Variants in KSR2 observed in about 807,000 individuals in gnomAD.
KSR2 encodes kinase suppressor of ras 2.
A neutral mutation model predicts 107.8 loss-of-function variants in KSR2; 25 were observed. That is an observed-to-expected ratio of 0.23 (90% CI 0.17 to 0.32). The LOEUF (loss-of-function observed/expected upper bound fraction) is 0.32, where lower values mean the gene tolerates loss of function less well. Ranked by LOEUF, KSR2 falls within the 10% of genes least tolerant of loss-of-function variation. KSR2 has a pLI of 1.00. For synonymous variants in KSR2, 480 were observed against 507.0 expected (o/e 0.95, Z 0.71); for missense variants, 887 against 1,268.9 (o/e 0.70, Z 4.57).
chr12:117,563,685 G>A (rs1026332347), intron 7 of KSR2, among the ~76,000 whole-genome samples: 2 of 152,126 alleles, frequency 1.3e-5, no homozygotes, highest in Non-Finnish European at 2.9e-5. Flanking sequence ...TCCTCTGCTG[G>A]AGGACTTTCT....
At chr12:117,468,765 T>C (rs1871276853) in intron 19 of KSR2, among the ~76,000 whole-genome samples, 1 of 152,240 alleles carries the variant, frequency 6.6e-6, no homozygotes, top group South Asian at 2.1e-4. Flanking sequence ...TGTGTCTGAG[T>C]CTGGCTATGT....
chr12:117,734,753 C>CATGGATGG (rs11269090), intron 4 of KSR2, among the ~76,000 whole-genome samples: 4 of 148,050 alleles, frequency 2.7e-5, no homozygotes, highest in African/African-American at 1.0e-4. Context: ...TGCATGCATG[C>CATGGATGG]ATGGATGGAT....
At chr12:117,958,352 G>A (rs1036659007) in intron 1 of KSR2, among the ~76,000 whole-genome samples, 1 of 152,170 alleles carries the variant, frequency 6.6e-6, no homozygotes, top group Admixed American at 6.5e-5. Flanking sequence ...CACTGCTGGT[G>A]AAGGGCAACT....
At chr12:117,583,593 A>C (rs1879824320) in intron 5 of KSR2, among the ~76,000 whole-genome samples, 1 of 152,168 alleles carries the variant, frequency 6.6e-6, no homozygotes. Context: ...CTCTTCTTTC[A>C]TCCCTTAGGC....
chr12:117,760,985 C>G (rs770538750), intron 4 of KSR2, 26 bp downstream of exon 4: 5 of 1,612,114 alleles, frequency 3.1e-6, no homozygotes, highest in Non-Finnish European at 3.4e-6. Context: ...TTCGACCGCC[C>G]CAGGGCACCC....
At chr12:117,899,960 C>T (rs1362457612) in intron 1 of KSR2, among the ~76,000 whole-genome samples, 4 of 152,180 alleles carry the variant, frequency 2.6e-5, no homozygotes, top group African/African-American at 9.7e-5. Flanking sequence ...GCTGCAAGGA[C>T]ATGAAATCTG....
chr12:117,737,071 C>G (rs1887976263), intron 4 of KSR2, among the ~76,000 whole-genome samples: 1 of 152,206 alleles, frequency 6.6e-6, no homozygotes, highest in African/African-American at 2.4e-5. Flanking sequence ...CCATTTTCAC[C>G]TGTGTGGCCT....
chr12:117,508,864 G>A (rs947674750), intron 14 of KSR2, among the ~76,000 whole-genome samples: 5 of 151,540 alleles, frequency 3.3e-5, no homozygotes, highest in African/African-American at 1.2e-4. Context: ...ATGTGAAGGT[G>A]GGTAGATGGA....
At chr12:117,901,374 C>T (rs1306243765) in intron 1 of KSR2, among the ~76,000 whole-genome samples, 2 of 151,418 alleles carry the variant, frequency 1.3e-5, no homozygotes, top group African/African-American at 4.9e-5. Flanking sequence ...GCAATCTCAG[C>T]TCACTGCAAC....
intron 14 of KSR2, among the ~76,000 whole-genome samples, chr12:117,518,371 ACCCCAAT>A (rs1874526350): frequency 6.6e-6 from 1 of 151,820 alleles, no homozygotes; most frequent in Non-Finnish European, 1.5e-5. Context: ...GCCCCATCCT[ACCCCAAT>A]CCCTGGGAAA....
intron 1 of KSR2, among the ~76,000 whole-genome samples, chr12:117,878,518 G>T (rs1893935953): frequency 6.6e-6 from 1 of 152,162 alleles, no homozygotes. Flanking sequence ...TGTACTAGGG[G>T]AGGCAAGGCT....
intron 5 of KSR2, among the ~76,000 whole-genome samples, chr12:117,632,527 C>T (rs1882858651): frequency 6.6e-6 from 1 of 152,006 alleles, no homozygotes; most frequent in African/African-American, 2.4e-5. Flanking sequence ...TGCCCTGCCA[C>T]CTACTCCTTT....
chr12:117,901,014 C>T (rs941018237), intron 1 of KSR2, among the ~76,000 whole-genome samples: 6 of 152,100 alleles, frequency 3.9e-5, no homozygotes, highest in African/African-American at 1.2e-4. Context: ...ATAATAATTT[C>T]GGCATCAAGG....
intron 1 of KSR2, among the ~76,000 whole-genome samples, chr12:117,916,095 T>C (rs570759945): frequency 1.3e-5 from 2 of 151,952 alleles, no homozygotes; most frequent in African/African-American, 4.8e-5. Context: ...CTAAAAGTTC[T>C]CTACAAGACT....
At chr12:117,966,623 G>GCGCA (rs1555262170) in intron 1 of KSR2, among the ~76,000 whole-genome samples, 9 of 143,098 alleles carry the variant, frequency 6.3e-5, no homozygotes, top group South Asian at 2.3e-4. Context: ...ACACGCGCAC[G>GCGCA]CACACACACA....
chr12:117,742,169 G>T (rs1888241350), intron 4 of KSR2, among the ~76,000 whole-genome samples: 1 of 152,176 alleles, frequency 6.6e-6, no homozygotes, highest in South Asian at 2.1e-4. Context: ...CAAGTTGAAA[G>T]ATAGCCTACA....
intron 14 of KSR2, among the ~76,000 whole-genome samples, chr12:117,519,800 G>A (rs552755716): frequency 3.9e-5 from 6 of 152,020 alleles, no homozygotes; most frequent in South Asian, 2.1e-4. Flanking sequence ...GTGTGTGCAC[G>A]TGTGTGTGTG....
intron 1 of KSR2, among the ~76,000 whole-genome samples, chr12:117,923,000 A>T (rs1419320144): frequency 6.6e-6 from 1 of 152,176 alleles, no homozygotes; most frequent in Admixed American, 6.5e-5. Flanking sequence ...CAGAAAGGTG[A>T]CGCTCTACCT....
chr12:117,647,453 C>G (rs771711840), intron 5 of KSR2, among the ~76,000 whole-genome samples: 1 of 152,134 alleles, frequency 6.6e-6, no homozygotes, highest in Non-Finnish European at 1.5e-5. Flanking sequence ...GGAGCCAGCA[C>G]GGGCCCAGGG....
Sources: allele counts gnomAD v4.1 joint callset (sites outside exome capture counted in the v4.1 genomes callset), GRCh38; gene constraint gnomAD v4.1.1; transcripts MANE v1.5; gene names NCBI Gene and HGNC (gene_info 2026-07-23, HGNC 2026-07-21).